The following CLDN15 variants were observed in gnomAD, a reference collection of about 807,000 sequenced individuals.
CLDN15 encodes claudin 15.
In CLDN15, 9 loss-of-function variants were observed where a neutral mutation model predicts 24.5. That is an observed-to-expected ratio of 0.37 (90% confidence interval 0.22 to 0.64). The LOEUF is 0.64. Among genes scored for constraint, CLDN15 ranks in the 30% least tolerant of loss-of-function variants. The probability of loss-of-function intolerance (pLI) is 0.63; values close to 1 mark genes in which losing one functional copy is unlikely to be tolerated. For synonymous variants in CLDN15, 149 were observed against 131.4 expected (o/e 1.13, Z -0.92); for missense variants, 248 against 305.9 (o/e 0.81, Z 1.41).
intron 1 of CLDN15, chr7:101,236,642 C>T (rs947240894): frequency 1.8e-5 from 15 of 843,134 alleles, no homozygotes; most frequent in Admixed American, 8.5e-5. Context: ...GAGCAGGGAG[C>T]GGGAAGGTGC....
chr7:101,234,424 C>A lies in CLDN15; in HGVS notation c.236G>T (p.Arg79Leu). ...LALSGYIQAC[R>L]ALMITAILLG... The stretch of plus-strand genomic sequence containing the variant: ...GAGGATGGCGGTGATCATGAGTGCC[C>A]GGCAGGCCTGAATATACCCTGGGGG... The change falls in exon 2 of 5, where the codon CGG becomes CTG. Residue 79 changes from arginine to leucine, a missense_variant. Physicochemically the swap from Arg to Leu is moderately radical, Grantham distance 102. Coordinates refer to ENST00000308344, the MANE Select transcript of CLDN15 (RefSeq NM_014343.3). 1 of 1,612,790 alleles carries A rather than the reference C, an allele frequency of 6.2e-7. No individual in the cohort carries two copies. Among genetic ancestry groups the A allele is most frequent in the Non-Finnish European group, 8.5e-7 (1 of 1,179,186 alleles).
At chr7:101,233,575 A>G (rs369899016) in intron 2 of CLDN15, among the ~76,000 whole-genome samples, 8 of 151,280 alleles carry the variant, frequency 5.3e-5, no homozygotes, top group African/African-American at 1.9e-4. Flanking sequence ...CTAGTCTGGA[A>G]CTCCTGGGCT....
In CLDN15 at chr7:101,232,363, T is replaced by C; in HGVS notation, c.*47A>G. ...GGGAATGGGCCCCGGCCAGGTCCCCTCTCCTTGGGGCAGTGGGAAGACAGC... is the reference window on the plus strand; with the variant it reads ...GGGAATGGGCCCCGGCCAGGTCCCCCCTCCTTGGGGCAGTGGGAAGACAGC... On this transcript the variant is annotated 3_prime_UTR_variant, in exon 5 of 5. Coordinates refer to ENST00000308344, the MANE Select transcript of CLDN15 (RefSeq NM_014343.3). The C allele has an allele frequency of 1.4e-6, 2 of 1,396,968 alleles. No individual in the cohort carries two copies. The highest frequency in any genetic ancestry group is 1.4e-5 in the African/African-American group (1 of 70,186). The allele number at this position is 1,396,968 out of a possible 1,614,324, so 86.5% of individuals were successfully genotyped here.
In CLDN15 at chr7:101,232,172, C is replaced by A. The variant is rs1052009916; in HGVS notation, c.*238G>T. On this transcript the variant is annotated 3_prime_UTR_variant, in exon 5 of 5. Transcript: ENST00000308344. ...GCGGGGACACCGTCCCCTTCACAGC[C>A]CAGAACCCAGGGTCAGAAGATGAGG... The A allele has an allele frequency of 1.9e-6, 1 of 525,572 alleles. No homozygotes were observed. Among genetic ancestry groups the A allele is most frequent in the Non-Finnish European group, 3.4e-6 (1 of 296,876 alleles). 32.6% of individuals were successfully genotyped at this position (525,572 alleles called of 1,614,324 possible).
chr7:101,235,025 C>G (rs1798596327), intron 1 of CLDN15, among the ~76,000 whole-genome samples: 1 of 152,134 alleles, frequency 6.6e-6, no homozygotes, highest in South Asian at 2.1e-4. Context: ...TAGCAACCCC[C>G]TCCCCACAAG....
intron 1 of CLDN15, chr7:101,236,923 G>GCC (rs1562905386): frequency 1.3e-6 from 1 of 788,552 alleles, no homozygotes; most frequent in East Asian, 6.3e-5. Flanking sequence ...CCAAGATGGG[G>GCC]CCTCCTCCCC....
chr7:101,232,927 GGAC>G lies in CLDN15; in HGVS notation c.383-16_383-14del. The G allele has an allele frequency of 6.2e-7, 1 of 1,605,342 alleles. No individual in the cohort carries two copies. The highest frequency in any genetic ancestry group is 8.5e-7 in the Non-Finnish European group (1 of 1,172,992). ...ATCCCGCAGATACCTGGGGACCGGAGGACGACCCCAGTCCAGTCCAGGGGGAGG... is the reference window on the plus strand; with the variant it reads ...ATCCCGCAGATACCTGGGGACCGGAGGACCCCAGTCCAGTCCAGGGGGAGG... On this transcript the variant is annotated splice_polypyrimidine_tract_variant and intron_variant, in intron 2 of 4. Coordinates refer to ENST00000308344, the MANE Select transcript of CLDN15 (RefSeq NM_014343.3).
upstream of CLDN15, chr7:101,237,850 C>G: frequency 2.0e-6 from 1 of 496,086 alleles, no homozygotes; most frequent in Non-Finnish European, 3.7e-6. This position sits in a 1 kb window ranked among gnomAD's most constrained non-coding sequence, Gnocchi z 4.0. Flanking sequence ...AGGGAATAAC[C>G]GAAACGGGCC....
chr7:101,232,971 G>T (rs1004765707), intron 2 of CLDN15, 57 bp from the exon 3 acceptor site: 2 of 1,268,092 alleles, frequency 1.6e-6, no homozygotes, highest in Admixed American at 1.8e-5. Context: ...TGGGGGAGGG[G>T]GCTTAGGGGA....
Position 101,232,819 on chromosome 7 carries a change from GT to G in CLDN15, c.464+13del. ...CTGCCCCGAGGGCGGGGGGTGGGGG[GT>G]TTCCTCACTCACTTGGTTCCGGGGT... On this transcript the variant is annotated intron_variant, in intron 3 of 4. Coordinates refer to ENST00000308344, the MANE Select transcript of CLDN15 (RefSeq NM_014343.3). 1 of 1,607,422 alleles carries G rather than the reference GT, an allele frequency of 6.2e-7. No individual in the cohort carries two copies. The highest frequency in any genetic ancestry group is 8.5e-7 in the Non-Finnish European group (1 of 1,174,400).
chr7:101,236,801 C>A (rs1396295430), intron 1 of CLDN15: 1 of 1,291,142 alleles, frequency 7.7e-7, no homozygotes, highest in African/African-American at 1.5e-5. Context: ...TTGCAAGACG[C>A]CTCCCTTCAC....
intron 1 of CLDN15, among the ~76,000 whole-genome samples, chr7:101,235,990 C>T (rs1421087511): frequency 1.3e-5 from 2 of 152,168 alleles, no homozygotes; most frequent in South Asian, 2.1e-4. Flanking sequence ...CCCCTACTTC[C>T]CCACTGTGGA....
intron 1 of CLDN15, chr7:101,236,697 T>G: frequency 7.8e-7 from 1 of 1,277,486 alleles, no homozygotes; most frequent in Non-Finnish European, 1.0e-6. Context: ...AGCTGTTGGC[T>G]CCAGCCCTCT....
Position 101,237,409 on chromosome 7 carries a change from C to T in CLDN15, c.173G>A (p.Gly58Asp). ...LWFSCATDSL[G>D]VYNCWEFPSM... ...CGGGAACTCCCAGCAGTTGTAGACG[C>T]CCAGGGAGTCGGTGGCACAGCTAAA... The change falls in exon 1 of 5, where the codon GGC becomes GAC. Residue 58 changes from glycine (G) to aspartate (D), a missense_variant. Physicochemically the swap from Gly to Asp is moderately conservative, Grantham distance 94 (BLOSUM62 -1). Transcript: ENST00000308344. This position sits in a 1 kb window ranked among gnomAD's most constrained non-coding sequence, Gnocchi z 4.0. The T allele has an allele frequency of 6.2e-7, 1 of 1,613,602 alleles. No homozygotes were observed. Among genetic ancestry groups the T allele is most frequent in the Non-Finnish European group, 8.5e-7 (1 of 1,179,740 alleles).
rs1210953320 is a variant in CLDN15 at position 101,237,253 on chromosome 7, C to G, written c.217+112G>C. On this transcript the variant is annotated intron_variant, in intron 1 of 4. Transcript: ENST00000308344. This position sits in a 1 kb window ranked among gnomAD's most constrained non-coding sequence, Gnocchi z 4.0. ...ACTCCTGGCTGCGGGAACTCAGACCCGCAGAGCTTAATTCAGGGCTCCCTG... is the reference window on the plus strand; with the variant it reads ...ACTCCTGGCTGCGGGAACTCAGACCGGCAGAGCTTAATTCAGGGCTCCCTG... The G allele has an allele frequency of 1.3e-6, 1 of 764,782 alleles. No homozygotes were observed. Among genetic ancestry groups the G allele is most frequent in the Admixed American group, 2.1e-5 (1 of 48,572 alleles). 47.4% of individuals were successfully genotyped at this position (764,782 alleles called of 1,614,324 possible).
rs541427413 is a variant in CLDN15 at position 101,232,507 on chromosome 7, C to A, written c.590G>T (p.Arg197Leu). The stretch of plus-strand genomic sequence containing the variant: ...CACGGACACTGGAGCCTGGTAGGGC[C>A]GCCGGGCGCTGCGGGGAGGGCCCGG... ...SDEDPAASARRPYQAPVSVMP... is the reference protein window; with the variant it reads ...SDEDPAASARLPYQAPVSVMP... Residue 197 changes from arginine (R) to leucine (L), a missense_variant, in exon 5 of 5, where the codon CGG (arginine) becomes CTG (leucine). By Grantham distance (102) the Arg-to-Leu change is moderately radical. Transcript: ENST00000308344. 2 of 1,612,104 alleles carry A rather than the reference C, an allele frequency of 1.2e-6. No homozygotes were observed. The highest frequency in any genetic ancestry group is 1.7e-6 in the Non-Finnish European group (2 of 1,178,878).
Position 101,236,260 on chromosome 7 carries a change from TG to T in CLDN15, c.217+1104del, listed in dbSNP as rs1033212629. Among the ~76,000 whole-genome samples the T allele has an allele frequency of 7.2e-4, 105 of 144,986 alleles. 1 individual carries two copies. The highest frequency in any genetic ancestry group is 3.6e-3 in the Middle Eastern group (1 of 280). ...TACTCAGCTTTTATAGGGTTTTTTT[TG>T]GGGGGGGGGCCCGCCGGCCCTGCAT... On this transcript the variant is annotated intron_variant, in intron 1 of 4. Transcript: ENST00000308344.
At chr7:101,232,766 G>A (rs751584714) in intron 3 of CLDN15, 46 bp from the exon 4 acceptor site, 9 of 1,577,008 alleles carry the variant, frequency 5.7e-6, no homozygotes, top group African/African-American at 5.4e-5. Context: ...TGAGACGCCA[G>A]CCGGGGGGCA....
rs115261742 is a variant in CLDN15 at position 101,236,648 on chromosome 7, G to C, written c.217+717C>G. The C allele has an allele frequency of 4.3e-6, 4 of 927,728 alleles. No individual in the cohort carries two copies. The South Asian group carries it at 6.0e-5, about 14-fold the overall frequency. The allele number at this position is 927,728 out of a possible 1,614,324, so 57.5% of individuals were successfully genotyped here. A position where few individuals can be genotyped will look rare whatever the true frequency, so the allele number is the denominator to read the frequency against. ...CTTAGCGGGGAGCAGGGAGCGGGAA[G>C]GTGCCGCAGCCACAGAAAGAACTGC... On this transcript the variant is annotated intron_variant, in intron 1 of 4. Transcript: ENST00000308344.
Sources: allele counts gnomAD v4.1 joint callset (sites outside exome capture counted in the v4.1 genomes callset), GRCh38; gene constraint gnomAD v4.1.1; non-coding constraint Gnocchi (gnomAD v3.1); transcripts MANE v1.5; gene names NCBI Gene and HGNC (gene_info 2026-07-23, HGNC 2026-07-21).